Variants in RNLS observed in about 807,000 individuals in gnomAD.
RNLS encodes renalase, FAD dependent amine oxidase.
A neutral mutation model predicts 39.8 loss-of-function variants in RNLS; 39 were observed. The observed-to-expected ratio is 0.98, with a 90% CI of 0.76 to 1.28. The LOEUF (loss-of-function observed/expected upper bound fraction) is 1.28. RNLS is among the 50% of genes most tolerant of loss of function. The pLI is 0.00. For synonymous variants in RNLS, 147 were observed against 150.7 expected, an observed-to-expected ratio of 0.98 and a Z score of 0.18; for missense variants, 410 against 413.3, an observed-to-expected ratio of 0.99 and a Z score of 0.07.
intron 4 of RNLS, among the ~76,000 whole-genome samples, chr10:88,405,191 C>G (rs540416841): frequency 6.6e-6 from 1 of 152,098 alleles, no homozygotes; most frequent in Non-Finnish European, 1.5e-5. Context: ...ACATTCAAAT[C>G]TCATAGATGT....
At chr10:88,537,604 G>A (rs1847828924) in intron 4 of RNLS, among the ~76,000 whole-genome samples, 1 of 152,122 alleles carries the variant, frequency 6.6e-6, no homozygotes, top group African/African-American at 2.4e-5. Flanking sequence ...ACATATAAGA[G>A]TACACACTGT....
intron 4 of RNLS, among the ~76,000 whole-genome samples, chr10:88,448,243 G>T (rs1360748218): frequency 1.3e-5 from 2 of 152,122 alleles, no homozygotes; most frequent in African/African-American, 4.8e-5. Context: ...GGGAAAAAGT[G>T]TTTGCAATAT....
intron 5 of RNLS, among the ~76,000 whole-genome samples, chr10:88,338,963 G>A (rs909521488): frequency 1.3e-5 from 2 of 152,014 alleles, no homozygotes; most frequent in Non-Finnish European, 2.9e-5. Context: ...GGGTTTCACC[G>A]TGTTAGCCAG....
the RNLS span, among the ~76,000 whole-genome samples, chr10:88,234,842 C>A: frequency 6.6e-6 from 1 of 152,070 alleles, no homozygotes. Context: ...TAGAAGAGAC[C>A]AGGAAGGACT....
intron 4 of RNLS, among the ~76,000 whole-genome samples, chr10:88,378,958 G>A (rs1851241058): frequency 6.6e-6 from 1 of 152,078 alleles, no homozygotes; most frequent in South Asian, 2.1e-4. Flanking sequence ...CAGTAACATA[G>A]TCATTTACTA....
chr10:88,479,799 T>C (rs944339774), intron 4 of RNLS, among the ~76,000 whole-genome samples: 5 of 151,238 alleles, frequency 3.3e-5, no homozygotes, highest in African/African-American at 7.3e-5. Flanking sequence ...TTTTCTTTTT[T>C]TTTTTTTTTA....
chr10:88,511,776 G>A (rs940692357), intron 4 of RNLS, among the ~76,000 whole-genome samples: 7 of 152,170 alleles, frequency 4.6e-5, no homozygotes, highest in African/African-American at 1.7e-4. Context: ...GTACAATGAT[G>A]GCTGAGGATT....
At chr10:88,515,285 C>T (rs771306865) in intron 4 of RNLS, among the ~76,000 whole-genome samples, 1 of 151,984 alleles carries the variant, frequency 6.6e-6, no homozygotes, top group Non-Finnish European at 1.5e-5. Context: ...GTACCAAATG[C>T]TGATTCAGTA....
intron 4 of RNLS, among the ~76,000 whole-genome samples, chr10:88,415,029 C>A (rs147992051): frequency 6.6e-6 from 1 of 152,090 alleles, no homozygotes; most frequent in Admixed American, 6.6e-5. Context: ...TGAAAGAAAG[C>A]GCACAGATAC....
At chr10:88,466,739 T>G (rs1843229940) in intron 4 of RNLS, among the ~76,000 whole-genome samples, 1 of 152,100 alleles carries the variant, frequency 6.6e-6, no homozygotes, top group Admixed American at 6.6e-5. Flanking sequence ...CCTCCAAACA[T>G]TTGGTAATTT....
intron 4 of RNLS, among the ~76,000 whole-genome samples, chr10:88,387,862 G>C (rs1182679335): frequency 3.3e-5 from 5 of 152,174 alleles, no homozygotes; most frequent in African/African-American, 1.2e-4. Flanking sequence ...AGTTTAGCGG[G>C]CAATGCAGAC....
chr10:88,331,672 C>G (rs1003570531), intron 5 of RNLS, among the ~76,000 whole-genome samples: 2 of 152,112 alleles, frequency 1.3e-5, no homozygotes, highest in African/African-American at 4.8e-5. Flanking sequence ...GGGGGCCACA[C>G]TGTTTTAGGG....
At chr10:88,345,212 G>A (rs139841921) in intron 5 of RNLS, among the ~76,000 whole-genome samples, 10 of 152,196 alleles carry the variant, frequency 6.6e-5, no homozygotes, top group Middle Eastern at 3.4e-3. Flanking sequence ...TTTATGAAAC[G>A]CAATGAAGTG....
At chr10:88,189,528 A>G in the RNLS span, among the ~76,000 whole-genome samples, 2 of 152,116 alleles carry the variant, frequency 1.3e-5, no homozygotes, top group African/African-American at 4.8e-5. Flanking sequence ...TCAGGGAGGG[A>G]GAGAGGAAGA....
the RNLS span, among the ~76,000 whole-genome samples, chr10:88,171,883 C>T: frequency 1.3e-5 from 2 of 152,174 alleles, no homozygotes; most frequent in Non-Finnish European, 2.9e-5. Context: ...CAATTCTACT[C>T]TCTACTTCTG....
intron 3 of RNLS, 131 bp from the exon 4 acceptor site, chr10:88,573,192 T>C: frequency 2.7e-6 from 2 of 754,246 alleles, no homozygotes; most frequent in East Asian, 2.7e-5. Flanking sequence ...GTCCTCCAGC[T>C]CTCTTCCTTT....
At chr10:88,412,968 T>C (rs938008353) in intron 4 of RNLS, among the ~76,000 whole-genome samples, 3 of 152,164 alleles carry the variant, frequency 2.0e-5, no homozygotes, top group African/African-American at 7.2e-5. Flanking sequence ...CACAGATCTG[T>C]TGATGATGTC....
chr10:88,284,501 G>C lies in RNLS; in HGVS notation c.*853C>G, dbSNP rs771144926. On this transcript the variant is annotated 3_prime_UTR_variant, in exon 7 of 7. Transcript: ENST00000331772. ...TGGCAAATATTGAACTATTTTAAGT[G>C]CATCTATTTTCTGGTTCAGTAAATT... The C allele has an allele frequency of 2.0e-6, 2 of 985,270 alleles. No homozygotes were observed. Among genetic ancestry groups the C allele is most frequent in the East Asian group, 1.1e-4 (1 of 8,800 alleles). The allele number at this position is 985,270 out of a possible 1,614,324, so 61.0% of individuals were successfully genotyped here. A position where few individuals can be genotyped will look rare whatever the true frequency, so the allele number is the denominator to read the frequency against.
chr10:88,566,114 A>G (rs1849489818), intron 4 of RNLS, among the ~76,000 whole-genome samples: 1 of 152,084 alleles, frequency 6.6e-6, no homozygotes, highest in Non-Finnish European at 1.5e-5. Context: ...AAAAAATCGT[A>G]AAGAAGAAAA....
Sources: allele counts gnomAD v4.1 joint callset (sites outside exome capture counted in the v4.1 genomes callset), GRCh38; gene constraint gnomAD v4.1.1; transcripts MANE v1.5; gene names NCBI Gene and HGNC (gene_info 2026-07-23, HGNC 2026-07-21).